Variants in REEP3 observed in about 807,000 individuals in gnomAD.
REEP3 encodes the protein receptor expression-enhancing protein 3.
Under a neutral mutation model 41.3 loss-of-function variants are expected in REEP3, and 20 were observed. The ratio of observed to expected loss-of-function variants is 0.48; its 90% CI spans 0.34 to 0.70. The LOEUF is 0.70. Ranked by LOEUF, REEP3 falls within the 30% of genes least tolerant of loss-of-function variation. The pLI is 0.01. For missense variants in REEP3, 271 were observed against 308.8 expected, an observed-to-expected ratio of 0.88 and a Z score of 0.92; for synonymous variants, 104 against 101.8, an observed-to-expected ratio of 1.02 and a Z score of -0.13.
At chr10:63,598,253 G>A (rs1456495788) in intron 4 of REEP3, 109 bp downstream of exon 4, 1 of 662,518 alleles carries the variant, frequency 1.5e-6, no homozygotes, top group South Asian at 2.2e-5. Context: ...GCTGAGGTGG[G>A]TGGATCACTG....
chr10:63,546,604 A>G (rs534004831), intron 1 of REEP3, among the ~76,000 whole-genome samples: 1 of 152,360 alleles, frequency 6.6e-6, no homozygotes, highest in Admixed American at 6.5e-5. Flanking sequence ...AGTTACTTAT[A>G]TCAAGATTGA....
At chr10:63,528,881 T>C (rs1955392334) in intron 1 of REEP3, among the ~76,000 whole-genome samples, 1 of 152,222 alleles carries the variant, frequency 6.6e-6, no homozygotes, top group Admixed American at 6.5e-5. Context: ...CCAGCACTCC[T>C]GCTTTCCTTC....
At chr10:63,551,273 T>C (rs946218114) in intron 1 of REEP3, among the ~76,000 whole-genome samples, 4 of 152,214 alleles carry the variant, frequency 2.6e-5, no homozygotes, top group African/African-American at 9.6e-5. Flanking sequence ...CAAGGAGATC[T>C]GGAACAATTT....
chr10:63,554,792 C>T, intron 1 of REEP3, among the ~76,000 whole-genome samples: 1 of 152,188 alleles, frequency 6.6e-6, no homozygotes, highest in East Asian at 1.9e-4. Context: ...CTGTGGTACT[C>T]TACCCACAGG....
intron 1 of REEP3, among the ~76,000 whole-genome samples, chr10:63,536,078 T>A (rs1027363036): frequency 6.6e-6 from 1 of 152,214 alleles, no homozygotes; most frequent in African/African-American, 2.4e-5. Context: ...TTCACAACCA[T>A]CTTCATGACA....
rs78669409 is a variant in REEP3 at position 63,582,422 on chromosome 10, C to T, written c.106-12356C>T. 6.3e-3 allele frequency among the ~76,000 whole-genome samples: 953 copies of T among 152,244 alleles called. 3 individuals are homozygous for T. Among genetic ancestry groups the T allele is most frequent in the Admixed American group, 0.011 (171 of 15,288 alleles). ...TCCTATCCACAGCCAAGTTGAAAAC[C>T]ACTGATTAAGCAGTATATTATTTTA... On this transcript the variant is annotated intron_variant, in intron 2 of 7. Coordinates refer to ENST00000373758, the MANE Select transcript of REEP3 (RefSeq NM_001001330.3).
In REEP3 at chr10:63,614,201, T is replaced by C. The variant is rs558754529; in HGVS notation, c.565+3867T>C. Among the ~76,000 whole-genome samples, 3 of 152,324 alleles carry C rather than the reference T, an allele frequency of 2.0e-5. No individual in the cohort carries two copies. The South Asian group carries it at 6.2e-4, about 32-fold the overall frequency. ...AATCAAAAAATAGTAATAATAATAA[T>C]TTTCGTTTGCCAGATTGGCCAAAAA... On this transcript the variant is annotated intron_variant, in intron 6 of 7. Coordinates refer to ENST00000373758, the MANE Select transcript of REEP3 (RefSeq NM_001001330.3).
chr10:63,619,059 G>A (rs978251410), intron 6 of REEP3, among the ~76,000 whole-genome samples: 3 of 152,142 alleles, frequency 2.0e-5, no homozygotes, highest in African/African-American at 7.2e-5. Flanking sequence ...TACCTGGCTG[G>A]GTTTTATCTC....
chr10:63,532,906 T>C (rs1955437241), intron 1 of REEP3, among the ~76,000 whole-genome samples: 1 of 151,952 alleles, frequency 6.6e-6, no homozygotes, highest in East Asian at 1.9e-4. Flanking sequence ...CCCTGTCTCA[T>C]AAAAAAGAAG....
At chr10:63,571,402 GTCTACTCCAGCT>G (rs1476693891) in intron 2 of REEP3, among the ~76,000 whole-genome samples, 1 of 152,112 alleles carries the variant, frequency 6.6e-6, no homozygotes, top group African/African-American at 2.4e-5. Context: ...CTGTTTCCCT[GTCTACTCCAGCT>G]TCTACAGGCT....
intron 1 of REEP3, among the ~76,000 whole-genome samples, chr10:63,554,810 G>A (rs1326374792): frequency 6.6e-6 from 1 of 152,186 alleles, no homozygotes; most frequent in Non-Finnish European, 1.5e-5. Context: ...AGGATGCTGA[G>A]TTACTGGAGT....
chr10:63,546,029 G>T (rs889019813), intron 1 of REEP3, among the ~76,000 whole-genome samples: 1 of 152,094 alleles, frequency 6.6e-6, no homozygotes, highest in Non-Finnish European at 1.5e-5. Flanking sequence ...AAGCCAACCG[G>T]GTGTAAACCC....
chr10:63,606,263 T>TTTTCTTTCTTTCTC (rs1554808471), intron 5 of REEP3: 2 of 151,674 alleles, frequency 1.3e-5, no homozygotes, highest in South Asian at 2.1e-4. Context: ...GAACTTTTCT[T>TTTTCTTTCTTTCTC]TTTCTTTCTT....
intron 2 of REEP3, among the ~76,000 whole-genome samples, chr10:63,571,624 C>T (rs1461872073): frequency 2.6e-5 from 4 of 152,150 alleles, no homozygotes; most frequent in African/African-American, 4.8e-5. Context: ...GATTAGCAAC[C>T]CTAATTTCAT....
At chr10:63,563,984 A>T (rs1468889183) in intron 1 of REEP3, among the ~76,000 whole-genome samples, 1 of 152,184 alleles carries the variant, frequency 6.6e-6, no homozygotes, top group Admixed American at 6.5e-5. Flanking sequence ...ACAGCCAAAA[A>T]AGCTAAGAGA....
chr10:63,521,886 C>G (rs1218332129), intron 1 of REEP3: 2 of 155,100 alleles, frequency 1.3e-5, no homozygotes, highest in Non-Finnish European at 2.8e-5. Flanking sequence ...GGTGGGCAGG[C>G]GCTCAGGGCA....
chr10:63,579,754 A>G (rs1306704367), intron 2 of REEP3, among the ~76,000 whole-genome samples: 2 of 152,276 alleles, frequency 1.3e-5, no homozygotes, highest in Non-Finnish European at 2.9e-5. Context: ...TTTAAATGGG[A>G]CTGAAACAGT....
intron 1 of REEP3, among the ~76,000 whole-genome samples, chr10:63,542,595 C>G (rs747424748): frequency 6.6e-6 from 1 of 152,124 alleles, no homozygotes; most frequent in Non-Finnish European, 1.5e-5. Context: ...CACTATATTA[C>G]CACTCCTTGT....
chr10:63,580,152 G>T (rs894605547), intron 2 of REEP3, among the ~76,000 whole-genome samples: 1 of 151,924 alleles, frequency 6.6e-6, no homozygotes, highest in African/African-American at 2.4e-5. Flanking sequence ...TTGTTTTGAG[G>T]TGGGGGGGTG....
Sources: allele counts gnomAD v4.1 joint callset (sites outside exome capture counted in the v4.1 genomes callset), GRCh38; gene constraint gnomAD v4.1.1; transcripts MANE v1.5; gene names NCBI Gene and HGNC (gene_info 2026-07-23, HGNC 2026-07-21).